TRNT1: variants seen among roughly 807,000 people sequenced by gnomAD.
TRNT1 encodes tRNA nucleotidyl transferase 1.
Under a neutral mutation model 45.6 loss-of-function variants are expected in TRNT1, and 44 were observed. The ratio of observed to expected loss-of-function variants is 0.97; its 90% CI spans 0.76 to 1.24. TRNT1 has a LOEUF of 1.24. Ranked by LOEUF, TRNT1 falls within the 50% of genes most tolerant of loss-of-function variation. The pLI is 0.00. For synonymous variants in TRNT1, 201 were observed against 171.4 expected (o/e 1.17, Z -1.35); for missense variants, 633 against 504.4 (o/e 1.25, Z -2.44).
downstream of TRNT1, chr3:3,149,968 A>AAATT (rs754848818): frequency 1.3e-5 from 2 of 152,166 alleles, no homozygotes; most frequent in African/African-American, 2.4e-5. Context: ...TAGAACTTTA[A>AAATT]AATTATGAGT....
In TRNT1 at chr3:3,147,950, G is replaced by A; in HGVS notation, c.1101G>A (p.Lys367=). Residue 367 remains lysine (K), a synonymous_variant, in exon 8 of 8, where the codon AAG becomes AAA. Transcript: ENST00000251607. ...DATTRVCELL[K]YQGEHCLLKE... is the part of the protein sequence containing the mutation. ...CTACTCGTGTATGTGAACTACTGAAGTACCAAGGAGAGCACTGTCTCCTAA... is the reference window on the plus strand; with the variant it reads ...CTACTCGTGTATGTGAACTACTGAAATACCAAGGAGAGCACTGTCTCCTAA... The A allele has an allele frequency of 6.2e-7, 1 of 1,613,954 alleles. No individual in the cohort carries two copies. The highest frequency in any genetic ancestry group is 8.5e-7 in the Non-Finnish European group (1 of 1,179,866).
chr3:3,138,133 C>T (rs1030860664), intron 3 of TRNT1, among the ~76,000 whole-genome samples: 1 of 152,182 alleles, frequency 6.6e-6, no homozygotes, highest in African/African-American at 2.4e-5. Context: ...CTTGGCCTCT[C>T]TTTTTTGTTA....
chr3:3,142,025 T>C (rs1419009807), intron 4 of TRNT1, among the ~76,000 whole-genome samples: 1 of 152,212 alleles, frequency 6.6e-6, no homozygotes, highest in African/African-American at 2.4e-5. Flanking sequence ...AACCATGATT[T>C]TGGCTTGTTT....
At chr3:3,147,416 T>G (rs760024389) in intron 6 of TRNT1, 34 bp from the exon 7 acceptor site, 3 of 1,605,204 alleles carry the variant, frequency 1.9e-6, no homozygotes, top group Non-Finnish European at 2.6e-6. Context: ...TTATCCCCAC[T>G]AAAAACAGGT....
At chr3:3,129,425 G>T in intron 2 of TRNT1, 1 of 453,132 alleles carries the variant, frequency 2.2e-6, no homozygotes, top group Non-Finnish European at 4.0e-6. Context: ...CAATGTGCAC[G>T]TTTTCATTGT....
At chr3:3,128,700 C>T (rs929509077) in intron 1 of TRNT1, among the ~76,000 whole-genome samples, 1 of 150,844 alleles carries the variant, frequency 6.6e-6, no homozygotes, top group Non-Finnish European at 1.5e-5. Context: ...TTGTTACATT[C>T]TAGCCTTGTT....
chr3:3,137,802 A>G (rs940852267), intron 3 of TRNT1, among the ~76,000 whole-genome samples: 5 of 152,152 alleles, frequency 3.3e-5, no homozygotes, highest in Non-Finnish European at 5.9e-5. Flanking sequence ...CTGTCTTCCT[A>G]GTATATTTAT....
At chr3:3,147,811 GA>G (rs1422335170) in intron 7 of TRNT1, 94 bp from the exon 8 acceptor site, 1 of 1,519,948 alleles carries the variant, frequency 6.6e-7, no homozygotes, top group African/African-American at 1.4e-5. Context: ...TATTTTAAAT[GA>G]AAAAATTTAT....
chr3:3,148,186 T>G lies in TRNT1; in HGVS notation c.*32T>G. The G allele has an allele frequency of 1.9e-6, 3 of 1,599,586 alleles. No homozygotes were observed. The highest frequency in any genetic ancestry group is 2.6e-6 in the Non-Finnish European group (3 of 1,174,112). The stretch of plus-strand genomic sequence containing the variant: ...TGGCTACTAAAAAGCAGAGCATTTC[T>G]GGTAAGACTAAATTTTCTCCCCTCC... On this transcript the variant is annotated 3_prime_UTR_variant, in exon 8 of 8. Transcript: ENST00000251607.
Position 3,140,602 on chromosome 3 carries a change from G to A in TRNT1, c.435G>A (p.Gln145=), listed in dbSNP as rs753701052. The A allele has an allele frequency of 3.7e-6, 6 of 1,614,034 alleles. No individual in the cohort carries two copies. The African/African-American group carries it at 8.0e-5, about 22-fold the overall frequency. ...AGGTAGAATTTACAACTGACTGGCA[G>A]AAAGATGCGGAACGCAGAGATCTCA... ...HAEVEFTTDW[Q]KDAERRDLTI... Residue 145 remains glutamine, a synonymous_variant, in exon 4 of 8, where the codon CAG becomes CAA. Transcript: ENST00000251607.
At chr3:3,150,658 T>C (rs1011051866), downstream of TRNT1, 4 of 516,192 alleles carry the variant, frequency 7.7e-6, no homozygotes, top group African/African-American at 1.9e-5. Context: ...TCTGGTATTC[T>C]AGACTGCCGT....
At chr3:3,152,415 TA>T, downstream of TRNT1, 2 of 1,582,292 alleles carry the variant, frequency 1.3e-6, no homozygotes, top group Admixed American at 1.8e-5. Context: ...CCAATTAAGG[TA>T]AAAAAAGAAA....
chr3:3,152,305 C>T (rs1706620635), downstream of TRNT1: 3 of 804,640 alleles, frequency 3.7e-6, no homozygotes, highest in Admixed American at 7.7e-5. Flanking sequence ...GACCCCTGCC[C>T]CCATACCCGG....
intron 2 of TRNT1, among the ~76,000 whole-genome samples, chr3:3,130,901 G>C (rs1134242): frequency 0.17 from 26,489 of 151,544 alleles, 3,435 homozygotes; most frequent in East Asian, 0.71. Context: ...GGGCAACACG[G>C]TGAAACCCCA....
downstream of TRNT1, chr3:3,150,789 T>A: frequency 7.2e-7 from 1 of 1,390,736 alleles, no homozygotes; most frequent in Non-Finnish European, 1.0e-6. Context: ...TAGGTATGTA[T>A]CAGAGGCAAT....
At chr3:3,150,109 G>GT (rs1450033382), downstream of TRNT1, 4 of 152,122 alleles carry the variant, frequency 2.6e-5, no homozygotes, top group Non-Finnish European at 5.9e-5. Flanking sequence ...GAGGGGACAT[G>GT]TTTTGGCATC....
intron 3 of TRNT1, among the ~76,000 whole-genome samples, chr3:3,139,929 A>G (rs1430329412): frequency 2.6e-5 from 4 of 152,040 alleles, no homozygotes; most frequent in African/African-American, 7.2e-5. Flanking sequence ...GGGTTTTACC[A>G]TCTTGCCCAG....
At chr3:3,151,194 C>G (rs572910729), downstream of TRNT1, 112 of 807,912 alleles carry the variant, frequency 1.4e-4, 2 homozygotes, top group South Asian at 1.9e-3. Flanking sequence ...TCCCTGAAAC[C>G]TAAAAACATT....
intron 2 of TRNT1, chr3:3,129,980 C>T (rs1294881233): frequency 5.8e-6 from 9 of 1,550,262 alleles, no homozygotes; most frequent in South Asian, 4.8e-5. Context: ...CCATTGTGCA[C>T]GTTGCAAAAC....
Sources: gnomAD v4.1 joint callset for allele counts (sites outside exome capture counted in the v4.1 genomes callset) on GRCh38, gnomAD v4.1.1 for gene constraint, MANE v1.5 for transcripts, NCBI Gene and HGNC (gene_info 2026-07-23, HGNC 2026-07-21) for gene names.